The following PIP4K2A variants were observed in gnomAD, a reference collection of about 807,000 sequenced individuals.
The protein encoded by PIP4K2A is phosphatidylinositol 5-phosphate 4-kinase type-2 alpha.
PIP4K2A carries 14 observed loss-of-function variants against 42.9 expected under a neutral mutation model. The ratio of observed to expected loss-of-function variants is 0.33; its 90% CI spans 0.22 to 0.51. The LOEUF is 0.51. PIP4K2A is among the 20% of genes least tolerant of loss of function. PIP4K2A has a pLI of 0.97. For missense variants in PIP4K2A, 434 were observed against 519.8 expected, an observed-to-expected ratio of 0.83 and a Z score of 1.61; for synonymous variants, 192 against 192.2, an observed-to-expected ratio of 1.00 and a Z score of 0.01.
At chr10:22,595,518 G>A (rs1222693422) in intron 3 of PIP4K2A, among the ~76,000 whole-genome samples, 1 of 152,144 alleles carries the variant, frequency 6.6e-6, no homozygotes, top group Non-Finnish European at 1.5e-5. Flanking sequence ...AGCGCTTTGG[G>A]GGCTGAGGTG....
chr10:22,539,014 G>T (rs555798809), intron 9 of PIP4K2A, among the ~76,000 whole-genome samples: 1 of 152,160 alleles, frequency 6.6e-6, no homozygotes, highest in African/African-American at 2.4e-5. Context: ...TTCTTCCAGG[G>T]CCAACAAACC....
At chr10:22,582,891 TAAA>T (rs57477195) in intron 4 of PIP4K2A, among the ~76,000 whole-genome samples, 5,082 of 118,604 alleles carry the variant, frequency 0.043, 276 homozygotes, top group African/African-American at 0.15. Context: ...CGTCTTGAAG[TAAA>T]AAAAAAAAAA....
At position 22,664,230 on chromosome 10, in the gene PIP4K2A, C is replaced by T. The variant is rs1042605024; in HGVS notation, c.144+49953G>A. On this transcript the variant is annotated intron_variant, in intron 1 of 9. Transcript: ENST00000376573. The stretch of plus-strand genomic sequence containing the variant: ...ATATATATATATACATATATATATA[C>T]ACACACACACACACACACACATATA... Among the ~76,000 whole-genome samples, 71 of 81,392 alleles carry T rather than the reference C, an allele frequency of 8.7e-4. 3 individuals are homozygous for T. The highest frequency in any genetic ancestry group is 3.2e-3 in the African/African-American group (53 of 16,686). The allele number at this position is 81,392 out of a possible 152,430, so 53.4% of individuals were successfully genotyped here. A position where few individuals can be genotyped will look rare whatever the true frequency, so the allele number is the denominator to read the frequency against.
chr10:22,617,652 T>C (rs1838203738), intron 1 of PIP4K2A, among the ~76,000 whole-genome samples: 1 of 152,090 alleles, frequency 6.6e-6, no homozygotes, highest in South Asian at 2.1e-4. Flanking sequence ...TTATGACATA[T>C]TGAGATGAAA....
chr10:22,537,358 A>G, intron 9 of PIP4K2A, 77 bp from the exon 10 acceptor site: 1 of 1,114,476 alleles, frequency 9.0e-7, no homozygotes, highest in Non-Finnish European at 1.3e-6. Flanking sequence ...ATCTACAGCT[A>G]TTTCCAATGG....
chr10:22,615,415 A>G (rs1838155280), intron 1 of PIP4K2A, among the ~76,000 whole-genome samples: 1 of 152,146 alleles, frequency 6.6e-6, no homozygotes, highest in Non-Finnish European at 1.5e-5. Flanking sequence ...TATACAAAGA[A>G]TTGACACTTT....
intron 1 of PIP4K2A, among the ~76,000 whole-genome samples, chr10:22,610,083 T>C (rs774589892): frequency 5.9e-5 from 9 of 152,260 alleles, no homozygotes; most frequent in Non-Finnish European, 1.3e-4. Context: ...GAAAATGTTA[T>C]CTGAGAAAGA....
At chr10:22,615,661 G>T (rs1482103444) in intron 1 of PIP4K2A, among the ~76,000 whole-genome samples, 1 of 152,206 alleles carries the variant, frequency 6.6e-6, no homozygotes, top group Non-Finnish European at 1.5e-5. Flanking sequence ...CAAAGTGAAA[G>T]CACCAGTTAT....
In PIP4K2A at chr10:22,714,388, A is replaced by G; in HGVS notation, c.-62T>C. ...GAGGCCGGGGACCCGCCCTCTCTACACCCCGGCCCGGGGAGGCAGCCGCAT... is the reference window on the plus strand; with the variant it reads ...GAGGCCGGGGACCCGCCCTCTCTACGCCCCGGCCCGGGGAGGCAGCCGCAT... On this transcript the variant is annotated 5_prime_UTR_variant, in exon 1 of 10. Coordinates refer to ENST00000376573, the MANE Select transcript of PIP4K2A (RefSeq NM_005028.5). 4 of 1,199,272 alleles carry G rather than the reference A, an allele frequency of 3.3e-6. No homozygotes were observed. The South Asian group carries it at 1.2e-4, about 35-fold the overall frequency. The allele number at this position is 1,199,272 out of a possible 1,614,324, so 74.3% of individuals were successfully genotyped here. A position where few individuals can be genotyped will look rare whatever the true frequency, so the allele number is the denominator to read the frequency against.
At chr10:22,645,020 G>T (rs144780378) in intron 1 of PIP4K2A, among the ~76,000 whole-genome samples, 166 of 152,250 alleles carry the variant, frequency 1.1e-3, no homozygotes, top group African/African-American at 3.7e-3. Context: ...CCCCTATGCT[G>T]GGGACTTACT....
At chr10:22,696,419 A>C (rs888007471) in intron 1 of PIP4K2A, among the ~76,000 whole-genome samples, 2 of 152,206 alleles carry the variant, frequency 1.3e-5, no homozygotes, top group African/African-American at 4.8e-5. Flanking sequence ...AATTGAAATG[A>C]ATCCTTAAAT....
chr10:22,601,324 T>C (rs1837769914), intron 3 of PIP4K2A, among the ~76,000 whole-genome samples: 1 of 151,976 alleles, frequency 6.6e-6, no homozygotes, highest in Non-Finnish European at 1.5e-5. Context: ...ACAGGAAGCC[T>C]GGGGTCCCAG....
chr10:22,552,657 C>A (rs1836441744), intron 6 of PIP4K2A, among the ~76,000 whole-genome samples: 1 of 151,642 alleles, frequency 6.6e-6, no homozygotes, highest in African/African-American at 2.4e-5. Context: ...TAAGCACTGC[C>A]CAAAACAGAA....
At chr10:22,686,523 C>G (rs551617193) in intron 1 of PIP4K2A, among the ~76,000 whole-genome samples, 3 of 152,308 alleles carry the variant, frequency 2.0e-5, no homozygotes, top group African/African-American at 7.2e-5. Flanking sequence ...GTTGCCCAAG[C>G]TGGAGTGCAG....
chr10:22,563,055 G>A (rs1836751355), intron 6 of PIP4K2A, among the ~76,000 whole-genome samples: 1 of 151,976 alleles, frequency 6.6e-6, no homozygotes, highest in African/African-American at 2.4e-5. Flanking sequence ...ATGAATGAAG[G>A]TACATTTTGA....
intron 6 of PIP4K2A, among the ~76,000 whole-genome samples, chr10:22,560,305 G>A (rs948561693): frequency 1.3e-5 from 2 of 152,142 alleles, no homozygotes; most frequent in African/African-American, 4.8e-5. Flanking sequence ...AGAAGGATAC[G>A]CTGCTGTGCT....
At chr10:22,601,467 C>T (rs767041632) in intron 3 of PIP4K2A, among the ~76,000 whole-genome samples, 3 of 152,190 alleles carry the variant, frequency 2.0e-5, no homozygotes, top group Admixed American at 6.5e-5. Context: ...GCTGTCCAAT[C>T]AGAGAGGGGC....
Position 22,541,935 on chromosome 10 carries a change from CCCT to C in PIP4K2A, c.902_904del (p.Glu301del), listed in dbSNP as rs866170138. 3 of 1,612,904 alleles carry C rather than the reference CCCT, an allele frequency of 1.9e-6. No homozygotes were observed. The highest frequency in any genetic ancestry group is 2.5e-6 in the Non-Finnish European group (3 of 1,179,080). ...CACCGGGTGGGTGCCATCGCTCTCGCCCTCCTCCTCCCCATCGTTCTCCTCACA... is the reference window on the plus strand; with the variant it reads ...CACCGGGTGGGTGCCATCGCTCTCGCCCTCCTCCCCATCGTTCTCCTCACA... On this transcript the variant is annotated inframe_deletion, in exon 8 of 10. Coordinates refer to ENST00000376573, the MANE Select transcript of PIP4K2A (RefSeq NM_005028.5).
At chr10:22,661,855 T>G (rs16922574) in intron 1 of PIP4K2A, 12,767 of 152,182 alleles carry the variant, frequency 0.084, 1,510 homozygotes, top group African/African-American at 0.27. Context: ...AATTCTAGGA[T>G]GAAGGACCAG....
Sources: gnomAD v4.1 joint callset for allele counts (sites outside exome capture counted in the v4.1 genomes callset) on GRCh38, gnomAD v4.1.1 for gene constraint, MANE v1.5 for transcripts, NCBI Gene and HGNC (gene_info 2026-07-23, HGNC 2026-07-21) for gene names.